The following FIG4 variants were observed in gnomAD, a reference collection of about 807,000 sequenced individuals.
The protein encoded by FIG4 is FIG4 phosphoinositide 5-phosphatase, also known as polyphosphoinositide phosphatase.
In FIG4, 112 loss-of-function variants were observed where a neutral mutation model predicts 118.6. The observed-to-expected ratio is 0.94, with a 90% CI of 0.81 to 1.11. The LOEUF (loss-of-function observed/expected upper bound fraction) is 1.11. FIG4 is among the 50% of genes least tolerant of loss of function. The pLI is 0.00. For synonymous variants in FIG4, 369 were observed against 381.2 expected (o/e 0.97, Z 0.37); for missense variants, 969 against 1,111.7 (o/e 0.87, Z 1.83).
At chr6:109,701,626 A>T (rs1048093780) in intron 1 of FIG4, 2 of 465,016 alleles carry the variant, frequency 4.3e-6, no homozygotes, top group Non-Finnish European at 8.9e-6. Context: ...TTGTTAGCAT[A>T]TATGTATGCA....
intron 14 of FIG4, among the ~76,000 whole-genome samples, chr6:109,765,867 G>A (rs1056143504): frequency 1.3e-5 from 2 of 152,178 alleles, no homozygotes; most frequent in African/African-American, 4.8e-5. Context: ...TAAAGGCTCA[G>A]CTGAGGAAAG....
chr6:109,762,081 C>G lies in FIG4; in HGVS notation c.1272-10C>G, dbSNP rs201293291. On this transcript the variant is annotated splice_polypyrimidine_tract_variant and intron_variant, in intron 11 of 22. Transcript: ENST00000230124. ...CTTCTCACTTTTCTCATTCTTCCTTCTCTCCTCAGCAAGCTGTGTAATGTT... is the reference window on the plus strand; with the variant it reads ...CTTCTCACTTTTCTCATTCTTCCTTGTCTCCTCAGCAAGCTGTGTAATGTT... 156 of 1,537,532 alleles carry G rather than the reference C, an allele frequency of 1.0e-4. No homozygotes were observed. Among genetic ancestry groups the G allele is most frequent in the Non-Finnish European group, 1.3e-4 (142 of 1,110,390 alleles).
chr6:109,756,066 G>A (rs1384923563), intron 10 of FIG4, among the ~76,000 whole-genome samples: 4 of 152,152 alleles, frequency 2.6e-5, no homozygotes, highest in Non-Finnish European at 4.4e-5. Context: ...ATTTTGCAGC[G>A]GCTGGTGCCG....
At position 109,823,707 on chromosome 6, in the gene FIG4, C is replaced by G. The variant is rs150532119; in HGVS notation, c.2547-1381C>G. ...GACTACAGGGAATCTCCACAGGGGT[C>G]CCAGCTAACCAGTTTGGCATCCAGG... On this transcript the variant is annotated intron_variant, in intron 22 of 22. Transcript: ENST00000230124. 3.8e-3 allele frequency among the ~76,000 whole-genome samples: 584 copies of G among 152,208 alleles called. 2 individuals carry two copies. The highest frequency in any genetic ancestry group is 0.013 in the African/African-American group (559 of 41,514).
chr6:109,731,984 T>C (rs1318883707), intron 4 of FIG4, among the ~76,000 whole-genome samples: 1 of 152,222 alleles, frequency 6.6e-6, no homozygotes, highest in Non-Finnish European at 1.5e-5. Context: ...CTATGTATTA[T>C]TTAAAGATGG....
intron 14 of FIG4, 116 bp from the exon 15 acceptor site, chr6:109,766,613 A>C (rs1409494740): frequency 2.8e-5 from 23 of 829,030 alleles, no homozygotes; most frequent in Non-Finnish European, 4.7e-5. Context: ...TGAAGAATCT[A>C]ACTTGAAAGG....
intron 1 of FIG4, among the ~76,000 whole-genome samples, chr6:109,702,807 A>G (rs1234869656): frequency 6.6e-6 from 1 of 152,156 alleles, no homozygotes; most frequent in Non-Finnish European, 1.5e-5. Context: ...ATTTGTAATA[A>G]ATTGAACCCT....
At chr6:109,717,624 T>C (rs1051010037) in intron 3 of FIG4, among the ~76,000 whole-genome samples, 3 of 152,120 alleles carry the variant, frequency 2.0e-5, no homozygotes, top group Non-Finnish European at 4.4e-5. Context: ...CCAGGGAAGA[T>C]TTCCTATAGT....
chr6:109,813,580 G>T (rs184265307), intron 22 of FIG4, among the ~76,000 whole-genome samples: 5 of 152,174 alleles, frequency 3.3e-5, no homozygotes, highest in African/African-American at 1.2e-4. Flanking sequence ...ATTTGGGTTT[G>T]TTATGATTAT....
intron 22 of FIG4, among the ~76,000 whole-genome samples, chr6:109,821,340 A>G (rs1051755720): frequency 1.3e-5 from 2 of 152,250 alleles, no homozygotes; most frequent in Admixed American, 6.5e-5. Context: ...ATCTTCTTAC[A>G]GCTCTGCAAA....
intron 8 of FIG4, 26 bp from the exon 9 acceptor site, chr6:109,743,084 A>C (rs757034908): frequency 6.3e-7 from 1 of 1,594,580 alleles, no homozygotes; most frequent in South Asian, 1.1e-5. Flanking sequence ...AACATAAAAT[A>C]TTTTTCAATG....
intron 8 of FIG4, among the ~76,000 whole-genome samples, chr6:109,741,916 TTCAGATGCAACCA>T (rs1776336292): frequency 6.6e-6 from 1 of 152,126 alleles, no homozygotes. Flanking sequence ...ACGTATTCAG[TTCAGATGCAACCA>T]TCGTAGGCCT....
chr6:109,729,041 TTAA>T (rs1198743792), intron 4 of FIG4, among the ~76,000 whole-genome samples: 11 of 152,144 alleles, frequency 7.2e-5, no homozygotes, highest in Non-Finnish European at 1.6e-4. Context: ...GGAAAAACTT[TTAA>T]TACTTATAAA....
chr6:109,775,010 T>C (rs950362213), intron 15 of FIG4, among the ~76,000 whole-genome samples: 14 of 152,250 alleles, frequency 9.2e-5, no homozygotes, highest in African/African-American at 2.7e-4. Context: ...TATTTAAACC[T>C]GATCTATTTA....
chr6:109,813,677 T>G (rs902006028), intron 22 of FIG4, among the ~76,000 whole-genome samples: 1 of 152,180 alleles, frequency 6.6e-6, no homozygotes, highest in Admixed American at 6.5e-5. Context: ...TCTTGTAATC[T>G]CCTCCCACAT....
At chr6:109,823,024 C>T (rs538272314) in intron 22 of FIG4, among the ~76,000 whole-genome samples, 25 of 151,934 alleles carry the variant, frequency 1.6e-4, no homozygotes, top group African/African-American at 5.5e-4. Flanking sequence ...CAGCCTTAGA[C>T]ATAACAAATG....
intron 22 of FIG4, among the ~76,000 whole-genome samples, chr6:109,802,559 C>T (rs1429367294): frequency 6.6e-6 from 1 of 152,194 alleles, no homozygotes; most frequent in Non-Finnish European, 1.5e-5. Context: ...ACCAGTTTGC[C>T]ATGCAACATG....
chr6:109,777,246 C>T (rs1178784735), intron 16 of FIG4, among the ~76,000 whole-genome samples, 186 bp downstream of exon 16: 3 of 152,032 alleles, frequency 2.0e-5, no homozygotes, highest in Non-Finnish European at 4.4e-5. Context: ...TGTTTTGATA[C>T]AGGCATGCAA....
chr6:109,755,449 A>C (rs1274557818), intron 10 of FIG4, among the ~76,000 whole-genome samples: 1 of 152,168 alleles, frequency 6.6e-6, no homozygotes, highest in Non-Finnish European at 1.5e-5. Context: ...GATGTCTTTT[A>C]GGTCCGCTTG....
Sources: allele counts gnomAD v4.1 joint callset (sites outside exome capture counted in the v4.1 genomes callset), GRCh38; gene constraint gnomAD v4.1.1; transcripts MANE v1.5; gene names NCBI Gene and HGNC (gene_info 2026-07-23, HGNC 2026-07-21).